SNTG1: variants seen among roughly 807,000 people sequenced by gnomAD.
SNTG1 encodes syntrophin gamma 1, also known as gamma-1-syntrophin.
In SNTG1, 39 loss-of-function variants were observed where a neutral mutation model predicts 74.7. The observed-to-expected ratio is 0.52, with a 90% CI of 0.40 to 0.68. The LOEUF (loss-of-function observed/expected upper bound fraction) is 0.68. SNTG1 is among the 30% of genes least tolerant of loss of function. The pLI, the probability that SNTG1 is intolerant of heterozygous loss-of-function variation, is 0.00. For synonymous variants in SNTG1, 254 were observed against 217.1 expected (o/e 1.17, Z -1.49); for missense variants, 685 against 609.5 (o/e 1.12, Z -1.30).
At chr8:50,402,185 GT>G (rs755065972) in intron 3 of SNTG1, 24 bp from the exon 4 acceptor site, 11 of 1,574,130 alleles carry the variant, frequency 7.0e-6, no homozygotes, top group Non-Finnish European at 9.4e-6. Context: ...TTTTTCCTCT[GT>G]TTGTTTTTTT....
At chr8:50,778,624 T>G (rs1372593694) in intron 18 of SNTG1, among the ~76,000 whole-genome samples, 1 of 128,524 alleles carries the variant, frequency 7.8e-6, no homozygotes, top group East Asian at 2.3e-4. Context: ...GATGAGTAGG[T>G]TGCGAAAATT....
intron 1 of SNTG1, among the ~76,000 whole-genome samples, chr8:50,075,148 C>A (rs1043176813): frequency 1.3e-5 from 2 of 152,166 alleles, no homozygotes; most frequent in African/African-American, 2.4e-5. Context: ...CTCTCCGCCT[C>A]CCCCCTGTGG....
intron 15 of SNTG1, among the ~76,000 whole-genome samples, chr8:50,698,500 G>A (rs1334217524): frequency 6.6e-6 from 1 of 152,078 alleles, no homozygotes; most frequent in Non-Finnish European, 1.5e-5. Flanking sequence ...AGTGAAAGAT[G>A]GGGTGAGCCT....
intron 1 of SNTG1, among the ~76,000 whole-genome samples, chr8:50,006,437 T>C (rs1815247721): frequency 6.6e-6 from 1 of 152,242 alleles, no homozygotes; most frequent in Admixed American, 6.5e-5. Flanking sequence ...GATTGTCTTT[T>C]ATCTTTCAAG....
At chr8:50,484,257 C>G (rs1407075062) in intron 8 of SNTG1, among the ~76,000 whole-genome samples, 1 of 147,352 alleles carries the variant, frequency 6.8e-6, no homozygotes, top group Non-Finnish European at 1.5e-5. Flanking sequence ...CTCTTGTTGC[C>G]CAGGCTGGAG....
chr8:50,039,920 C>G (rs1818491239), intron 1 of SNTG1, among the ~76,000 whole-genome samples: 2 of 152,162 alleles, frequency 1.3e-5, no homozygotes, highest in Non-Finnish European at 2.9e-5. Flanking sequence ...GCTACGGAAG[C>G]TGCACGGACC....
At chr8:50,027,818 A>G (rs1172909587) in intron 1 of SNTG1, among the ~76,000 whole-genome samples, 3 of 152,198 alleles carry the variant, frequency 2.0e-5, no homozygotes, top group East Asian at 1.9e-4. Flanking sequence ...TAAGAAGTAC[A>G]TTGATTTTTG....
intron 1 of SNTG1, among the ~76,000 whole-genome samples, chr8:49,939,396 C>T (rs1210713945): frequency 6.6e-6 from 1 of 152,148 alleles, no homozygotes; most frequent in East Asian, 1.9e-4. Context: ...AGACCCTTGT[C>T]ATTGACCACT....
chr8:50,255,206 T>C (rs1023004568), intron 2 of SNTG1, among the ~76,000 whole-genome samples: 1 of 152,180 alleles, frequency 6.6e-6, no homozygotes, highest in African/African-American at 2.4e-5. Flanking sequence ...GGGTCACTTG[T>C]AATTATAATG....
chr8:50,160,132 C>G (rs1336757785), intron 1 of SNTG1, among the ~76,000 whole-genome samples: 2 of 152,136 alleles, frequency 1.3e-5, no homozygotes, highest in African/African-American at 4.8e-5. Context: ...GGGCATTGCA[C>G]TTAATTTTCT....
chr8:50,154,091 C>T (rs1313052215), intron 1 of SNTG1, among the ~76,000 whole-genome samples: 1 of 152,122 alleles, frequency 6.6e-6, no homozygotes, highest in African/African-American at 2.4e-5. Context: ...CCTACTCAAG[C>T]CTCAGCAATG....
At chr8:50,753,202 G>A (rs1353927661) in intron 18 of SNTG1, among the ~76,000 whole-genome samples, 4 of 151,676 alleles carry the variant, frequency 2.6e-5, no homozygotes, top group Admixed American at 6.6e-5. Context: ...TCTCTGCACC[G>A]GCCCTTTCTC....
intron 15 of SNTG1, among the ~76,000 whole-genome samples, chr8:50,701,609 C>A (rs2095424226): frequency 7.1e-6 from 1 of 141,140 alleles, no homozygotes; most frequent in African/African-American, 2.7e-5. Flanking sequence ...TCTTCTTCTT[C>A]TTCTTCTTCG....
chr8:50,690,879 G>A (rs886874961), intron 15 of SNTG1, among the ~76,000 whole-genome samples: 1 of 152,162 alleles, frequency 6.6e-6, no homozygotes, highest in Non-Finnish European at 1.5e-5. Flanking sequence ...TTGTGTGGGA[G>A]TCTAAGTCTC....
chr8:50,274,382 C>T (rs1215266791), intron 2 of SNTG1, among the ~76,000 whole-genome samples: 2 of 151,804 alleles, frequency 1.3e-5, no homozygotes, highest in Non-Finnish European at 2.9e-5. Flanking sequence ...CCACAGCACC[C>T]GGCAATATAT....
chr8:50,162,022 G>A (rs1377488691), intron 1 of SNTG1, among the ~76,000 whole-genome samples: 4 of 152,130 alleles, frequency 2.6e-5, no homozygotes, highest in Admixed American at 2.6e-4. Flanking sequence ...GAGGAAGGAG[G>A]AAGAGCAAGA....
intron 17 of SNTG1, among the ~76,000 whole-genome samples, chr8:50,711,538 G>C (rs138915866): frequency 2.0e-5 from 3 of 152,144 alleles, no homozygotes; most frequent in Admixed American, 6.5e-5. Flanking sequence ...GTGAAGGAAA[G>C]AATTGCTGCA....
At chr8:50,189,424 T>C (rs934195306) in intron 2 of SNTG1, among the ~76,000 whole-genome samples, 5 of 152,146 alleles carry the variant, frequency 3.3e-5, no homozygotes, top group Non-Finnish European at 7.3e-5. Flanking sequence ...GGAAGGAGCC[T>C]AGGAATTTGC....
chr8:50,391,105 G>A (rs1004372117), intron 2 of SNTG1, among the ~76,000 whole-genome samples: 2 of 152,168 alleles, frequency 1.3e-5, no homozygotes, highest in South Asian at 2.1e-4. Flanking sequence ...TTCCAACACT[G>A]TGTTGAATAG....
Sources: allele counts gnomAD v4.1 joint callset (sites outside exome capture counted in the v4.1 genomes callset), GRCh38; gene constraint gnomAD v4.1.1; transcripts MANE v1.5; gene names NCBI Gene and HGNC (gene_info 2026-07-23, HGNC 2026-07-21).